Variants in ACTR3C observed in about 807,000 individuals in gnomAD.
The protein encoded by ACTR3C is actin related protein 3C.
In ACTR3C, 18 loss-of-function variants were observed where a neutral mutation model predicts 26.3. The ratio of observed to expected loss-of-function variants is 0.68; its 90% CI spans 0.47 to 1.01. The LOEUF (loss-of-function observed/expected upper bound fraction) is 1.01, where lower values mean the gene tolerates loss of function less well. ACTR3C is among the 50% of genes least tolerant of loss of function. The pLI, the probability that ACTR3C is intolerant of heterozygous loss-of-function variation, is 0.00. For missense variants in ACTR3C, 184 were observed against 250.7 expected, an observed-to-expected ratio of 0.73 and a Z score of 1.80; for synonymous variants, 55 against 94.5, an observed-to-expected ratio of 0.58 and a Z score of 2.42.
At chr7:149,951,639 C>T in the ACTR3C span, among the ~76,000 whole-genome samples, 2 of 152,100 alleles carry the variant, frequency 1.3e-5, no homozygotes, top group African/African-American at 4.8e-5. Flanking sequence ...CTCTAGCCGC[C>T]TCCTCTGTGA....
intron 6 of ACTR3C, among the ~76,000 whole-genome samples, chr7:150,275,638 G>A (rs1284703565): frequency 6.6e-6 from 1 of 152,052 alleles, no homozygotes; most frequent in African/African-American, 2.4e-5. Flanking sequence ...TTGAATCCAG[G>A]AGGCAGAGGT....
At chr7:150,094,678 A>G in the ACTR3C span, among the ~76,000 whole-genome samples, 1 of 150,510 alleles carries the variant, frequency 6.6e-6, no homozygotes, top group African/African-American at 2.5e-5. Context: ...CCAAGACTCC[A>G]GAAGCTTCAG....
At chr7:149,985,466 T>A in the ACTR3C span, among the ~76,000 whole-genome samples, 3 of 152,194 alleles carry the variant, frequency 2.0e-5, no homozygotes, top group Admixed American at 6.5e-5. Flanking sequence ...GACTTGGGTT[T>A]TCTCATTTGT....
chr7:150,156,982 C>T, the ACTR3C span, among the ~76,000 whole-genome samples: 5 of 151,212 alleles, frequency 3.3e-5, no homozygotes, highest in African/African-American at 4.9e-5. Flanking sequence ...ACTCTAAAAC[C>T]CTATGAGTCA....
the ACTR3C span, among the ~76,000 whole-genome samples, chr7:150,149,523 T>G: frequency 8.8e-6 from 1 of 113,354 alleles, no homozygotes; most frequent in African/African-American, 3.5e-5. Context: ...GGCCCTGGTG[T>G]GTGATGTTCC....
chr7:149,933,158 C>A, the ACTR3C span, among the ~76,000 whole-genome samples: 1 of 143,392 alleles, frequency 7.0e-6, no homozygotes, highest in Non-Finnish European at 1.5e-5. Flanking sequence ...TACTTCCCAC[C>A]CCTATAGCTC....
At chr7:150,167,152 T>A in the ACTR3C span, among the ~76,000 whole-genome samples, 1 of 150,468 alleles carries the variant, frequency 6.6e-6, no homozygotes, top group South Asian at 2.1e-4. Context: ...CATACCAATT[T>A]CTTTTGTTTT....
chr7:149,951,679 G>C, the ACTR3C span, among the ~76,000 whole-genome samples: 1 of 151,978 alleles, frequency 6.6e-6, no homozygotes, highest in Admixed American at 6.5e-5. Flanking sequence ...TAAAAGCAAG[G>C]CTCATGTGTT....
the ACTR3C span, among the ~76,000 whole-genome samples, chr7:150,031,425 C>T: frequency 9.9e-5 from 15 of 152,138 alleles, no homozygotes; most frequent in African/African-American, 1.9e-4. Context: ...GATACCAAGG[C>T]GGCTTCTTAG....
the ACTR3C span, among the ~76,000 whole-genome samples, chr7:149,899,608 A>G: frequency 6.8e-6 from 1 of 147,208 alleles, no homozygotes; most frequent in Non-Finnish European, 1.5e-5. Flanking sequence ...GAAGTAAAAA[A>G]AAAAAACAGA....
chr7:150,307,753 C>T (rs1795917805), intron 1 of ACTR3C, among the ~76,000 whole-genome samples: 1 of 152,238 alleles, frequency 6.6e-6, no homozygotes, highest in South Asian at 2.1e-4. Context: ...GATCAATCGC[C>T]TGTCCTCCTG....
At chr7:149,975,429 G>A in the ACTR3C span, among the ~76,000 whole-genome samples, 7 of 151,970 alleles carry the variant, frequency 4.6e-5, no homozygotes, top group Non-Finnish European at 7.4e-5. Flanking sequence ...AATTATAGCC[G>A]TAAACATTTA....
At chr7:150,071,833 A>C in the ACTR3C span, among the ~76,000 whole-genome samples, 1 of 151,086 alleles carries the variant, frequency 6.6e-6, no homozygotes, top group African/African-American at 2.4e-5. Context: ...CAGGGGTCAG[A>C]GGCATCAGGA....
chr7:150,181,405 A>G, the ACTR3C span, among the ~76,000 whole-genome samples: 59 of 150,888 alleles, frequency 3.9e-4, 5 homozygotes, highest in East Asian at 2.5e-3. Context: ...CAACATAGCT[A>G]GAGCCCATCT....
At chr7:150,154,769 A>C in the ACTR3C span, among the ~76,000 whole-genome samples, 2 of 152,134 alleles carry the variant, frequency 1.3e-5, no homozygotes, top group East Asian at 3.9e-4. Flanking sequence ...TGAGTTTGTA[A>C]TTTAGCCACA....
the ACTR3C span, among the ~76,000 whole-genome samples, chr7:150,137,701 C>T: frequency 1.1e-4 from 17 of 152,186 alleles, no homozygotes; most frequent in Non-Finnish European, 2.2e-4. Context: ...ATTTAGTCTT[C>T]GTAGGAGAGT....
chr7:150,072,091 G>A, the ACTR3C span, among the ~76,000 whole-genome samples: 1 of 143,712 alleles, frequency 7.0e-6, no homozygotes, highest in Non-Finnish European at 1.5e-5. Context: ...AAGTCCCTGC[G>A]TGTCAGCCCC....
chr7:150,203,202 C>T, the ACTR3C span, among the ~76,000 whole-genome samples: 1 of 152,298 alleles, frequency 6.6e-6, no homozygotes, highest in African/African-American at 2.4e-5. Context: ...AACAAGCACA[C>T]CAAGATGGTG....
the ACTR3C span, among the ~76,000 whole-genome samples, chr7:150,157,153 G>A: frequency 2.1e-5 from 3 of 146,002 alleles, no homozygotes; most frequent in African/African-American, 5.2e-5. Context: ...GCATCAAGTC[G>A]GTGAACTTTG....
Sources: allele counts gnomAD v4.1 joint callset (sites outside exome capture counted in the v4.1 genomes callset), GRCh38; gene constraint gnomAD v4.1.1; transcripts MANE v1.5; gene names NCBI Gene and HGNC (gene_info 2026-07-23, HGNC 2026-07-21).